RALGPS2: variants seen among roughly 807,000 people sequenced by gnomAD.
RALGPS2 encodes the protein ras-specific guanine nucleotide-releasing factor RalGPS2.
RALGPS2 carries 43 observed loss-of-function variants against 86.8 expected under a neutral mutation model. That is an observed-to-expected ratio of 0.50 (90% CI 0.39 to 0.64). The LOEUF (loss-of-function observed/expected upper bound fraction) is 0.64, where lower values mean the gene tolerates loss of function less well. RALGPS2 is among the 30% of genes least tolerant of loss of function. The pLI, the probability that RALGPS2 is intolerant of heterozygous loss-of-function variation, is 0.00. For synonymous variants in RALGPS2, 243 were observed against 231.3 expected, an observed-to-expected ratio of 1.05 and a Z score of -0.46; for missense variants, 536 against 694.6, an observed-to-expected ratio of 0.77 and a Z score of 2.57.
chr1:178,786,563 A>G (rs565868512), intron 4 of RALGPS2, among the ~76,000 whole-genome samples: 2 of 151,938 alleles, frequency 1.3e-5, no homozygotes, highest in East Asian at 3.9e-4. Flanking sequence ...GTATGATAGT[A>G]TCTCTGTTTT....
intron 4 of RALGPS2, among the ~76,000 whole-genome samples, chr1:178,804,152 A>C (rs568858384): frequency 6.6e-6 from 1 of 150,806 alleles, no homozygotes; most frequent in African/African-American, 2.4e-5. Flanking sequence ...AAATATTTGC[A>C]TAAGAGAACA....
intron 8 of RALGPS2, among the ~76,000 whole-genome samples, chr1:178,857,602 C>T (rs141962976): frequency 5.3e-5 from 8 of 152,256 alleles, no homozygotes; most frequent in African/African-American, 1.9e-4. Context: ...TTAATGCACA[C>T]ATGAAAGTAG....
chr1:178,759,789 A>G (rs949594331), intron 1 of RALGPS2, among the ~76,000 whole-genome samples: 2 of 151,956 alleles, frequency 1.3e-5, no homozygotes, highest in South Asian at 2.1e-4. Context: ...TTCATTGTAG[A>G]CATCTTTTAC....
chr1:178,898,946 A>G (rs145178670), intron 17 of RALGPS2, among the ~76,000 whole-genome samples: 1 of 152,100 alleles, frequency 6.6e-6, no homozygotes, highest in African/African-American at 2.4e-5. Flanking sequence ...AAAGTGAGAA[A>G]AAGGTTGGAT....
intron 4 of RALGPS2, among the ~76,000 whole-genome samples, chr1:178,797,197 A>G (rs2102159864): frequency 6.6e-6 from 1 of 152,344 alleles, no homozygotes; most frequent in African/African-American, 2.4e-5. Flanking sequence ...TGAACTGTCA[A>G]TATGCAAGAT....
chr1:178,729,840 T>G (rs1482362175), intron 1 of RALGPS2, among the ~76,000 whole-genome samples: 2 of 152,270 alleles, frequency 1.3e-5, no homozygotes, highest in Non-Finnish European at 2.9e-5. Context: ...TTTATGACTT[T>G]CCCTCCTGTG....
In RALGPS2 at chr1:178,821,685, G is replaced by C; in HGVS notation, c.461G>C (p.Arg154Thr). 6.2e-7 allele frequency: 1 copy of C among 1,612,268 alleles called. No homozygotes were observed. Among genetic ancestry groups the C allele is most frequent in the Non-Finnish European group, 8.5e-7 (1 of 1,178,714 alleles). ...GGCCTACAGAGTGCCCCAATTTTCAGGTTGACTAAAACATGGGCGGTGAGT... is the reference window on the plus strand; with the variant it reads ...GGCCTACAGAGTGCCCCAATTTTCACGTTGACTAAAACATGGGCGGTGAGT... ...VSGLQSAPIFRLTKTWALLSR... is the reference protein window; with the variant it reads ...VSGLQSAPIFTLTKTWALLSR... The change falls in exon 7 of 20, where the codon AGG becomes ACG. Residue 154 changes from arginine to threonine, a missense_variant. By Grantham distance (71) the Arg-to-Thr change is moderately conservative. Transcript: ENST00000367635.
chr1:178,833,509 A>G lies in RALGPS2; in HGVS notation c.566A>G (p.Tyr189Cys). 6.5e-7 allele frequency: 1 copy of G among 1,533,224 alleles called. No homozygotes were observed. Among genetic ancestry groups the G allele is most frequent in the Non-Finnish European group, 8.7e-7 (1 of 1,152,080 alleles). 95.0% of individuals were successfully genotyped at this position (1,533,224 alleles called of 1,614,324 possible). A position where few individuals can be genotyped will look rare whatever the true frequency, so the allele number is the denominator to read the frequency against. Residue 189 changes from tyrosine (Y) to cysteine (C), a missense_variant, in exon 8 of 20, where the codon TAT becomes TGT. Physicochemically the swap from Tyr to Cys is radical, Grantham distance 194 (BLOSUM62 -2). This residue lies in a region of RALGPS2 where 184 missense variants were observed against 296.7 expected (regional missense o/e 0.62). Transcript: ENST00000367635. The part of the protein sequence containing the change: ...KEDNYKRLRD[Y>C]ISSLKMTPCI... ...GATAACTACAAAAGACTCAGAGACTATATAAGTAGCTTAAAGATGACACCT... is the reference window on the plus strand; with the variant it reads ...GATAACTACAAAAGACTCAGAGACTGTATAAGTAGCTTAAAGATGACACCT...
chr1:178,737,549 G>A (rs1023336044), intron 1 of RALGPS2, among the ~76,000 whole-genome samples: 3 of 151,898 alleles, frequency 2.0e-5, no homozygotes, highest in Non-Finnish European at 1.5e-5. Flanking sequence ...CCTGGCCAGC[G>A]CCACCTTTAA....
intron 4 of RALGPS2, among the ~76,000 whole-genome samples, chr1:178,786,262 A>G (rs1265249267): frequency 6.6e-6 from 1 of 152,052 alleles, no homozygotes; most frequent in East Asian, 1.9e-4. Flanking sequence ...TACTTACTGG[A>G]GGAAATAGAC....
chr1:178,882,216 C>G (rs1013876013), intron 10 of RALGPS2, among the ~76,000 whole-genome samples: 3 of 152,076 alleles, frequency 2.0e-5, no homozygotes, highest in African/African-American at 7.3e-5. Context: ...CAATAAGCTC[C>G]CTTTCTGTTC....
intron 19 of RALGPS2, 133 bp downstream of exon 19, chr1:178,907,000 T>C (rs1660412618): frequency 1.3e-6 from 1 of 777,056 alleles, no homozygotes; most frequent in South Asian, 1.7e-5. Flanking sequence ...TTGATTACAG[T>C]TAATAAGATA....
chr1:178,889,971 A>G (rs944395660), intron 14 of RALGPS2, among the ~76,000 whole-genome samples: 1 of 152,014 alleles, frequency 6.6e-6, no homozygotes, highest in African/African-American at 2.4e-5. Context: ...CCGATCATCG[A>G]CAAGTAACCT....
chr1:178,742,986 T>A (rs1651117689), intron 1 of RALGPS2, among the ~76,000 whole-genome samples: 1 of 152,148 alleles, frequency 6.6e-6, no homozygotes, highest in Middle Eastern at 3.2e-3. Flanking sequence ...GAGTCTGAAG[T>A]GGGAGGATCA....
At chr1:178,740,647 A>G (rs568130018) in intron 1 of RALGPS2, among the ~76,000 whole-genome samples, 1 of 152,298 alleles carries the variant, frequency 6.6e-6, no homozygotes, top group Non-Finnish European at 1.5e-5. Flanking sequence ...GAGAAGTGCA[A>G]AATTCTGAGA....
intron 10 of RALGPS2, among the ~76,000 whole-genome samples, chr1:178,880,559 CTT>C (rs921000469): frequency 2.6e-5 from 4 of 152,110 alleles, no homozygotes; most frequent in African/African-American, 9.7e-5. Context: ...TGGTCTGTGT[CTT>C]ATACTTACCA....
At chr1:178,860,848 T>C (rs140959548) in intron 8 of RALGPS2, among the ~76,000 whole-genome samples, 2 of 152,312 alleles carry the variant, frequency 1.3e-5, no homozygotes, top group African/African-American at 4.8e-5. Context: ...AGTACACCAG[T>C]AGCCATCCAT....
intron 1 of RALGPS2, among the ~76,000 whole-genome samples, chr1:178,753,156 C>T (rs1159058392): frequency 6.6e-6 from 1 of 152,180 alleles, no homozygotes; most frequent in African/African-American, 2.4e-5. Context: ...GATCACATGA[C>T]CTTGGCATTG....
intron 1 of RALGPS2, among the ~76,000 whole-genome samples, chr1:178,741,484 C>G (rs1651023003): frequency 6.6e-6 from 1 of 152,102 alleles, no homozygotes. Flanking sequence ...TTATGTTTTT[C>G]TAGTACTTGC....
Sources: allele counts gnomAD v4.1 joint callset (sites outside exome capture counted in the v4.1 genomes callset), GRCh38; gene constraint gnomAD v4.1.1; regional missense constraint gnomAD v4.1.1; transcripts MANE v1.5; gene names NCBI Gene and HGNC (gene_info 2026-07-23, HGNC 2026-07-21).